The following CDH3 variants were observed in gnomAD, a reference collection of about 807,000 sequenced individuals.
CDH3 encodes cadherin 3, also known as cadherin-3.
CDH3 carries 54 observed loss-of-function variants against 82.0 expected under a neutral mutation model. That is an observed-to-expected ratio of 0.66 (90% CI 0.53 to 0.83). The LOEUF (loss-of-function observed/expected upper bound fraction) is 0.83, where lower values mean the gene tolerates loss of function less well. Among genes scored for constraint, CDH3 ranks in the 40% least tolerant of loss-of-function variants. CDH3 has a pLI of 0.00. For synonymous variants in CDH3, 446 were observed against 437.9 expected (o/e 1.02, Z -0.23); for missense variants, 1,054 against 1,084.6 (o/e 0.97, Z 0.40).
chr16:68,687,663 C>A lies in CDH3; in HGVS notation c.1722C>A (p.Pro574=). 3.7e-6 allele frequency: 6 copies of A among 1,614,088 alleles called. No homozygotes were observed. In the Middle Eastern group the frequency reaches 8.2e-4, roughly 222 times the overall value. The part of the protein sequence containing the change: ...VLNITDKDLS[P]HTSPFQAQLT... ...ACATCACGGACAAGGACCTGTCTCC[C>A]CACACCTCCCCTTTCCAGGCCCAGC... The change falls in exon 12 of 16, where the codon CCC becomes CCA. Residue 574 remains proline, a synonymous_variant. Transcript: ENST00000264012.
Position 68,698,221 on chromosome 16 carries a change from G to A in CDH3, c.2311G>A (p.Ala771Thr). The A allele has an allele frequency of 6.2e-7, 1 of 1,614,226 alleles. No homozygotes were observed. The highest frequency in any genetic ancestry group is 8.5e-7 in the Non-Finnish European group (1 of 1,180,040). ...GAAGGCGGCTAACACAGACCCCACA[G>A]CCCCGCCCTACGACACCCTCTTGGT... ...NLKAANTDPT[A>T]PPYDTLLVFD... is the part of the protein sequence containing the mutation. Residue 771 changes from alanine (A) to threonine (T), a missense_variant, in exon 16 of 16, where the codon GCC becomes ACC. Physicochemically the swap from Ala to Thr is moderately conservative, Grantham distance 58 (BLOSUM62 0). Transcript: ENST00000264012.
chr16:68,732,471 T>C, the CDH3 span, among the ~76,000 whole-genome samples: 1 of 152,184 alleles, frequency 6.6e-6, no homozygotes, highest in Non-Finnish European at 1.5e-5. Context: ...TCCTCTGCCA[T>C]AAGGAAACCT....
intron 1 of CDH3, among the ~76,000 whole-genome samples, chr16:68,715,271 C>CA (rs1962080106): frequency 6.6e-6 from 1 of 150,706 alleles, no homozygotes; most frequent in African/African-American, 2.4e-5. Context: ...ACTAAAAATA[C>CA]AAAAAATTAG....
chr16:68,667,068 A>G (rs992650131), intron 2 of CDH3, among the ~76,000 whole-genome samples: 4 of 152,176 alleles, frequency 2.6e-5, no homozygotes, highest in African/African-American at 7.2e-5. Flanking sequence ...CTAGCAATAT[A>G]TAGCAGCACC....
chr16:68,655,370 C>T (rs1029268182), intron 2 of CDH3, among the ~76,000 whole-genome samples: 5 of 152,156 alleles, frequency 3.3e-5, no homozygotes, highest in Admixed American at 6.5e-5. Context: ...GTAAGTAAGG[C>T]CACAGCTCCT....
chr16:68,663,006 C>T (rs2152094093), intron 2 of CDH3, among the ~76,000 whole-genome samples: 1 of 149,648 alleles, frequency 6.7e-6, no homozygotes, highest in South Asian at 2.1e-4. Context: ...ATAGCTGGGA[C>T]TACAGGTGCC....
At chr16:68,708,585 C>T (rs1345869043) in intron 1 of CDH3, among the ~76,000 whole-genome samples, 1 of 152,108 alleles carries the variant, frequency 6.6e-6, no homozygotes, top group Non-Finnish European at 1.5e-5. Flanking sequence ...AGCCCTGCAC[C>T]CCCCAATGCT....
downstream of CDH3, among the ~76,000 whole-genome samples, chr16:68,700,622 C>G (rs997021303): frequency 2.0e-5 from 3 of 152,178 alleles, no homozygotes; most frequent in Non-Finnish European, 4.4e-5. Context: ...TGGCCTGATC[C>G]GCCCGCCTCG....
rs573643859 is a variant in CDH3 at position 68,726,998 on chromosome 16, T to A, written c.*46-155T>A. 3.3e-5 allele frequency among the ~76,000 whole-genome samples: 5 copies of A among 152,342 alleles called. No homozygotes were observed. In the South Asian group the frequency reaches 1.0e-3, roughly 32 times the overall value. On this transcript the variant is annotated intron_variant, in intron 2 of 2. Coordinates refer to the CDH3 transcript ENST00000569080. ...TGTGTATGTCTGGGAGGACGTTTCC[T>A]GAAGAGACTGCTATTTGAATCAGTG...
At chr16:68,654,379 A>ATTTT (rs1312856091) in intron 2 of CDH3, among the ~76,000 whole-genome samples, 2 of 71,546 alleles carry the variant, frequency 2.8e-5, no homozygotes, top group Non-Finnish European at 5.3e-5. Flanking sequence ...TTTTTAAATT[A>ATTTT]ATTTTTTTTT....
downstream of CDH3, among the ~76,000 whole-genome samples, chr16:68,729,213 G>A (rs1210799073): frequency 2.0e-5 from 3 of 152,216 alleles, no homozygotes; most frequent in African/African-American, 4.8e-5. Flanking sequence ...GCTGACGCAG[G>A]AGAATTGCTT....
chr16:68,654,316 C>G (rs1385195635), intron 2 of CDH3, among the ~76,000 whole-genome samples: 1 of 148,078 alleles, frequency 6.8e-6, no homozygotes, highest in Non-Finnish European at 1.5e-5. Context: ...GCCTTGGCCT[C>G]CCAAAGTGCT....
At position 68,698,767 on chromosome 16, in the gene CDH3, T is replaced by A; in HGVS notation, c.*367T>A. 4.4e-6 allele frequency: 1 copy of A among 227,428 alleles called. No homozygotes were observed. The highest frequency in any genetic ancestry group is 8.6e-6 in the Non-Finnish European group (1 of 116,354). 14.1% of individuals were successfully genotyped at this position (227,428 alleles called of 1,614,324 possible). ...AATGGAACCTTCTTAGGCCTCCTGG[T>A]GCAACTTAATTTTTTTTTTTAATGC... On this transcript the variant is annotated 3_prime_UTR_variant, in exon 16 of 16. Coordinates refer to ENST00000264012, the MANE Select transcript of CDH3 (RefSeq NM_001793.6).
chr16:68,659,142 T>C (rs1960490907), intron 2 of CDH3, among the ~76,000 whole-genome samples: 2 of 152,214 alleles, frequency 1.3e-5, no homozygotes, highest in Admixed American at 1.3e-4. Flanking sequence ...GTGAGGAAAC[T>C]GAGGCCAGAG....
At position 68,708,259 on chromosome 16, in the gene CDH3, G is replaced by A. The variant is rs570615196; in HGVS notation, c.99+12336G>A. Among the ~76,000 whole-genome samples the A allele has an allele frequency of 5.3e-5, 8 of 152,040 alleles. No individual in the cohort carries two copies. In the South Asian group the frequency reaches 8.3e-4, roughly 16 times the overall value. On this transcript the variant is annotated intron_variant, in intron 1 of 2. Coordinates refer to the CDH3 transcript ENST00000569080. The stretch of plus-strand genomic sequence containing the variant: ...AGGAGAATCCTTGAACCTGGGAGGT[G>A]GAGGTTGCAGCAAGTCGAGATCCCA...
At chr16:68,662,618 C>T (rs1960618950) in intron 2 of CDH3, among the ~76,000 whole-genome samples, 1 of 142,892 alleles carries the variant, frequency 7.0e-6, no homozygotes, top group Non-Finnish European at 1.5e-5. Flanking sequence ...CACGATCTCA[C>T]TGCAAGAAGC....
At chr16:68,651,609 T>A in intron 2 of CDH3, 1 of 507,032 alleles carries the variant, frequency 2.0e-6, no homozygotes, top group South Asian at 1.6e-5. Flanking sequence ...CTGCATCATG[T>A]TCCCACTCTC....
chr16:68,716,785 G>A (rs902747603), intron 1 of CDH3, among the ~76,000 whole-genome samples: 9 of 151,906 alleles, frequency 5.9e-5, no homozygotes, highest in Admixed American at 2.6e-4. Context: ...GTGCCTTGGC[G>A]TGACCATAGC....
At chr16:68,671,583 G>A (rs879235060) in intron 2 of CDH3, among the ~76,000 whole-genome samples, 3 of 144,112 alleles carry the variant, frequency 2.1e-5, no homozygotes, top group African/African-American at 7.7e-5. Flanking sequence ...GTGAGGTGGT[G>A]CGATCTCGGC....
Sources: gnomAD v4.1 joint callset for allele counts (sites outside exome capture counted in the v4.1 genomes callset) on GRCh38, gnomAD v4.1.1 for gene constraint, MANE v1.5 for transcripts, NCBI Gene and HGNC (gene_info 2026-07-23, HGNC 2026-07-21) for gene names.